Variants in HMBOX1 observed in about 807,000 individuals in gnomAD.
The protein encoded by HMBOX1 is homeobox-containing protein 1.
In HMBOX1, 14 loss-of-function variants were observed where a neutral mutation model predicts 54.5. That is an observed-to-expected ratio of 0.26 (90% CI 0.17 to 0.40). The LOEUF is 0.40. HMBOX1 is among the 10% of genes least tolerant of loss of function. The pLI is 1.00. For synonymous variants in HMBOX1, 160 were observed against 181.0 expected (o/e 0.88, Z 0.93); for missense variants, 332 against 514.4 (o/e 0.65, Z 3.43).
At chr8:28,903,154 CAT>C (rs1014789412) in intron 1 of HMBOX1, among the ~76,000 whole-genome samples, 2 of 152,092 alleles carry the variant, frequency 1.3e-5, no homozygotes, top group Admixed American at 6.5e-5. Context: ...CACACACACA[CAT>C]ATACACAGAG....
At chr8:28,949,349 G>A (rs1823006041) in intron 1 of HMBOX1, among the ~76,000 whole-genome samples, 1 of 152,192 alleles carries the variant, frequency 6.6e-6, no homozygotes, top group South Asian at 2.1e-4. Flanking sequence ...TGGCCTGCAA[G>A]GCACTGTGAT....
At chr8:29,015,639 C>T (rs1834887674) in intron 5 of HMBOX1, among the ~76,000 whole-genome samples, 2 of 152,134 alleles carry the variant, frequency 1.3e-5, no homozygotes, top group Non-Finnish European at 2.9e-5. Flanking sequence ...TAGGCCCAGA[C>T]TGAATTCTCA....
chr8:29,022,392 TG>T (rs1320657793), intron 6 of HMBOX1, among the ~76,000 whole-genome samples: 1 of 152,180 alleles, frequency 6.6e-6, no homozygotes, highest in Non-Finnish European at 1.5e-5. Flanking sequence ...CACTTCAGTC[TG>T]GGTGACAGAG....
chr8:29,000,429 C>T (rs1436396845), intron 4 of HMBOX1, among the ~76,000 whole-genome samples: 2 of 152,184 alleles, frequency 1.3e-5, no homozygotes, highest in Admixed American at 1.3e-4. Flanking sequence ...AGGAATATGT[C>T]ATAGCTTTTT....
chr8:29,004,098 A>G (rs1833074405), intron 4 of HMBOX1, among the ~76,000 whole-genome samples: 1 of 152,114 alleles, frequency 6.6e-6, no homozygotes, highest in South Asian at 2.1e-4. Context: ...TAAAATTGAG[A>G]TGGAGAACAC....
At chr8:29,019,988 A>G (rs567994809) in intron 6 of HMBOX1, among the ~76,000 whole-genome samples, 4 of 152,226 alleles carry the variant, frequency 2.6e-5, no homozygotes, top group Admixed American at 6.5e-5. Context: ...GTTGTCATCT[A>G]TTCCTTTCCT....
chr8:28,984,704 G>GTAA (rs1829918753), intron 4 of HMBOX1, among the ~76,000 whole-genome samples: 1 of 152,176 alleles, frequency 6.6e-6, no homozygotes. Context: ...CTTTGCTTTA[G>GTAA]TAATAAGCAC....
intron 5 of HMBOX1, among the ~76,000 whole-genome samples, chr8:29,015,696 T>C (rs1834893946): frequency 6.6e-6 from 1 of 152,126 alleles, no homozygotes; most frequent in Non-Finnish European, 1.5e-5. Flanking sequence ...TAAAGAAGGG[T>C]TTCAGTTTAG....
chr8:29,009,043 C>T (rs577855339), intron 4 of HMBOX1, 29 bp from the exon 5 acceptor site: 334 of 1,529,818 alleles, frequency 2.2e-4, no homozygotes, highest in Non-Finnish European at 2.9e-4. Flanking sequence ...TTTCAGTGCC[C>T]CCCAAAACCT....
At chr8:29,042,849 T>C in intron 6 of HMBOX1, 1 of 345,134 alleles carries the variant, frequency 2.9e-6, no homozygotes, top group Non-Finnish European at 5.8e-6. Flanking sequence ...CAGAGATTGT[T>C]TTTGTTTTTG....
At chr8:28,904,679 ACT>A (rs1206855384) in intron 1 of HMBOX1, among the ~76,000 whole-genome samples, 3 of 138,404 alleles carry the variant, frequency 2.2e-5, no homozygotes, top group African/African-American at 8.0e-5. Context: ...AACTCTTCAC[ACT>A]CTTTTTTTTT....
intron 1 of HMBOX1, among the ~76,000 whole-genome samples, chr8:28,951,320 A>G (rs1823377947): frequency 6.6e-6 from 1 of 152,110 alleles, no homozygotes; most frequent in African/African-American, 2.4e-5. Context: ...CTTAGTAGAG[A>G]CAGGGTTTCA....
At chr8:28,911,939 T>A (rs972301029) in intron 1 of HMBOX1, among the ~76,000 whole-genome samples, 12 of 152,194 alleles carry the variant, frequency 7.9e-5, no homozygotes, top group Admixed American at 2.6e-4. Flanking sequence ...AAAAGTGATA[T>A]GCATTCAGTA....
At chr8:28,913,866 T>C (rs1411979961) in intron 1 of HMBOX1, among the ~76,000 whole-genome samples, 1 of 150,172 alleles carries the variant, frequency 6.7e-6, no homozygotes, top group East Asian at 2.0e-4. Flanking sequence ...TTTTTTTTTT[T>C]TTTTTTTTTT....
intron 6 of HMBOX1, 79 bp from the exon 7 acceptor site, chr8:29,045,282 A>C (rs1444241127): frequency 1.8e-6 from 2 of 1,087,252 alleles, no homozygotes; most frequent in Non-Finnish European, 2.8e-6. Flanking sequence ...TACAGAATAT[A>C]TTTTTCAGTG....
intron 1 of HMBOX1, among the ~76,000 whole-genome samples, chr8:28,922,943 T>C (rs12550344): frequency 0.43 from 64,820 of 152,016 alleles, 15,254 homozygotes; most frequent in Non-Finnish European, 0.53. Flanking sequence ...TAAAAAAGCC[T>C]ACAGGTAGAT....
chr8:28,929,079 CAT>C lies in HMBOX1; in HGVS notation c.-57-34727_-57-34726del, dbSNP rs2131878815. 1.3e-5 allele frequency among the ~76,000 whole-genome samples: 2 copies of C among 152,204 alleles called. 1 individual carries two copies. The highest frequency in any genetic ancestry group is 4.1e-4 in the South Asian group (2 of 4,822). On this transcript the variant is annotated intron_variant, in intron 1 of 9. Transcript: ENST00000287701. The stretch of plus-strand genomic sequence containing the variant: ...TGTGGTAATCATTTCACAATGTATA[CAT>C]ATATCAAAACATCACATTGCATGCC...
At chr8:28,988,909 A>C (rs1830535690) in intron 4 of HMBOX1, among the ~76,000 whole-genome samples, 1 of 152,134 alleles carries the variant, frequency 6.6e-6, no homozygotes. Flanking sequence ...CAAATGTTTT[A>C]AATTTTTATG....
chr8:28,942,607 C>T (rs1821643647), intron 1 of HMBOX1, among the ~76,000 whole-genome samples: 1 of 152,086 alleles, frequency 6.6e-6, no homozygotes, highest in South Asian at 2.1e-4. Context: ...CTACTTTCCT[C>T]CTCCTGCTGC....
Sources: allele counts gnomAD v4.1 joint callset (sites outside exome capture counted in the v4.1 genomes callset), GRCh38; gene constraint gnomAD v4.1.1; transcripts MANE v1.5; gene names NCBI Gene and HGNC (gene_info 2026-07-23, HGNC 2026-07-21).